The following TSHZ1 variants were observed in gnomAD, a reference collection of about 807,000 sequenced individuals.
TSHZ1 encodes teashirt homolog 1.
A neutral mutation model predicts 67.1 loss-of-function variants in TSHZ1; 12 were observed. That is an observed-to-expected ratio of 0.18 (90% CI 0.11 to 0.29). The LOEUF (loss-of-function observed/expected upper bound fraction) is 0.29, where lower values mean the gene tolerates loss of function less well. TSHZ1 is among the 10% of genes least tolerant of loss of function. The probability of loss-of-function intolerance (pLI) is 1.00; values close to 1 mark genes in which losing one functional copy is unlikely to be tolerated. For synonymous variants in TSHZ1, 632 were observed against 622.4 expected (o/e 1.02, Z -0.23); for missense variants, 1,305 against 1,413.9 (o/e 0.92, Z 1.23).
rs867325574 is a variant in TSHZ1, at chr18:75,281,709, T to G, written c.41-3739T>G. On this transcript the variant is annotated intron_variant, in intron 1 of 1. Coordinates refer to ENST00000580243, the MANE Select transcript of TSHZ1 (RefSeq NM_001308210.2). This position sits in a 1 kb window ranked among gnomAD's most constrained non-coding sequence, Gnocchi z 5.3. ...GCGGCAGCTCAGAACGGGGAGCGGGTAGCGGTCACCGAGGGTCTGGAGACG... is the reference window on the plus strand; with the variant it reads ...GCGGCAGCTCAGAACGGGGAGCGGGGAGCGGTCACCGAGGGTCTGGAGACG... Among the ~76,000 whole-genome samples, 7 of 152,014 alleles carry G rather than the reference T, an allele frequency of 4.6e-5. No homozygotes were observed. The highest frequency in any genetic ancestry group is 8.8e-5 in the Non-Finnish European group (6 of 67,956).
chr18:75,225,684 G>T (rs1271070906), intron 1 of TSHZ1, among the ~76,000 whole-genome samples: 3 of 151,862 alleles, frequency 2.0e-5, no homozygotes, highest in African/African-American at 7.3e-5. Flanking sequence ...AGAGGTGCTG[G>T]TGGGCTCGCA....
chr18:75,266,490 A>T (rs1222729926), intron 1 of TSHZ1, among the ~76,000 whole-genome samples: 1 of 152,230 alleles, frequency 6.6e-6, no homozygotes, highest in Non-Finnish European at 1.5e-5. Flanking sequence ...TAGAATATTC[A>T]TGAACAGAAA....
At chr18:75,239,891 A>G (rs957927370) in intron 1 of TSHZ1, among the ~76,000 whole-genome samples, 2 of 152,182 alleles carry the variant, frequency 1.3e-5, no homozygotes, top group African/African-American at 2.4e-5. Context: ...GAGGTACGCG[A>G]TGGGTGTTGG....
intron 1 of TSHZ1, among the ~76,000 whole-genome samples, chr18:75,214,519 T>C (rs1295334865): frequency 6.6e-6 from 1 of 152,254 alleles, no homozygotes; most frequent in East Asian, 1.9e-4. Flanking sequence ...ACATCCTGAC[T>C]GTTTTTTTCT....
chr18:75,259,435 C>A (rs1428487629), intron 1 of TSHZ1, among the ~76,000 whole-genome samples: 2 of 152,182 alleles, frequency 1.3e-5, no homozygotes, highest in Non-Finnish European at 2.9e-5. Context: ...GTGATGAAAT[C>A]TTGTACAGTC....
At chr18:75,276,667 G>C (rs1424840952) in intron 1 of TSHZ1, among the ~76,000 whole-genome samples, 1 of 152,208 alleles carries the variant, frequency 6.6e-6, no homozygotes, top group Admixed American at 6.5e-5. Context: ...TGGAGTAAAT[G>C]TATTTTGATA....
chr18:75,281,024 G>A lies in TSHZ1; in HGVS notation c.41-4424G>A, dbSNP rs148316827. Among the ~76,000 whole-genome samples, 146 of 152,326 alleles carry A rather than the reference G, an allele frequency of 9.6e-4. 2 individuals are homozygous for A. In the East Asian group the frequency reaches 0.025, roughly 26 times the overall value. ...GGACCAGATAGATAGAGCGGGCTGG[G>A]CACAGAGGGCTGGGCACAGGCGGGG... On this transcript the variant is annotated intron_variant, in intron 1 of 1. Transcript: ENST00000580243. This position sits in a 1 kb window ranked among gnomAD's most constrained non-coding sequence, Gnocchi z 5.3.
intron 1 of TSHZ1, among the ~76,000 whole-genome samples, chr18:75,219,380 C>T (rs1254669523): frequency 6.6e-6 from 1 of 152,150 alleles, no homozygotes; most frequent in East Asian, 1.9e-4. Context: ...AAGTTGATAA[C>T]ATTTTGAAAA....
chr18:75,264,737 C>T (rs2023470699), intron 1 of TSHZ1, among the ~76,000 whole-genome samples: 1 of 152,070 alleles, frequency 6.6e-6, no homozygotes, highest in South Asian at 2.1e-4. Flanking sequence ...TCAGGATAAG[C>T]TTATCAGGGT....
intron 1 of TSHZ1, among the ~76,000 whole-genome samples, chr18:75,237,691 C>T (rs1312342551): frequency 1.3e-5 from 2 of 152,212 alleles, no homozygotes; most frequent in South Asian, 2.1e-4. Flanking sequence ...TCCTTGCTCA[C>T]ATCAAGCTCA....
chr18:75,258,100 C>G (rs2023384211), intron 1 of TSHZ1, among the ~76,000 whole-genome samples: 1 of 152,162 alleles, frequency 6.6e-6, no homozygotes, highest in African/African-American at 2.4e-5. Flanking sequence ...CTGGGAGACT[C>G]TCTCACCTGA....
intron 1 of TSHZ1, among the ~76,000 whole-genome samples, chr18:75,263,379 A>G (rs1486315238): frequency 6.6e-6 from 1 of 152,216 alleles, no homozygotes; most frequent in Non-Finnish European, 1.5e-5. Context: ...TCTCGTAGAG[A>G]CATACTCCCA....
intron 1 of TSHZ1, among the ~76,000 whole-genome samples, chr18:75,261,941 G>C (rs1449010219): frequency 1.3e-5 from 2 of 152,196 alleles, no homozygotes; most frequent in Non-Finnish European, 2.9e-5. Context: ...GGCTTTTGGT[G>C]TTGAGAAGGA....
At chr18:75,235,095 A>G (rs8096483) in intron 1 of TSHZ1, among the ~76,000 whole-genome samples, 9,045 of 152,074 alleles carry the variant, frequency 0.059, 500 homozygotes, top group African/African-American at 0.14. Context: ...AGAGGTTTCC[A>G]TGCATTACCT....
At chr18:75,245,050 T>A (rs747951505) in intron 1 of TSHZ1, among the ~76,000 whole-genome samples, 2 of 152,174 alleles carry the variant, frequency 1.3e-5, no homozygotes, top group Non-Finnish European at 2.9e-5. Flanking sequence ...AGAGAACTCT[T>A]TTAAAAGTTA....
At chr18:75,240,402 T>G (rs1000303453) in intron 1 of TSHZ1, among the ~76,000 whole-genome samples, 1 of 152,046 alleles carries the variant, frequency 6.6e-6, no homozygotes, top group Non-Finnish European at 1.5e-5. Context: ...AGCTTGAAAT[T>G]TTAGTGAGTT....
chr18:75,211,142 G>A lies in TSHZ1; in HGVS notation c.-735G>A, dbSNP rs1295328382. The A allele has an allele frequency of 6.6e-6, 1 of 152,180 alleles. No individual in the cohort carries two copies. The highest frequency in any genetic ancestry group is 1.5e-5 in the Non-Finnish European group (1 of 68,070). 9.4% of individuals were successfully genotyped at this position (152,180 alleles called of 1,614,324 possible). A position where few individuals can be genotyped will look rare whatever the true frequency, so the allele number is the denominator to read the frequency against. ...CGATCCTGGCGGCCAAGCCCCCCGG[G>A]TGGAAGCGCGGGGCACCAAGTGGCG... On this transcript the variant is annotated 5_prime_UTR_variant, in exon 1 of 2. The change creates a new upstream start codon in the 5' untranslated region. Coordinates refer to ENST00000580243, the MANE Select transcript of TSHZ1 (RefSeq NM_001308210.2).
At chr18:75,276,447 C>T (rs1408453161) in intron 1 of TSHZ1, among the ~76,000 whole-genome samples, 1 of 152,114 alleles carries the variant, frequency 6.6e-6, no homozygotes, top group African/African-American at 2.4e-5. Flanking sequence ...CACACTCTGC[C>T]TGGGTCTGCT....
At position 75,236,436 on chromosome 18, in the gene TSHZ1, C is replaced by A. The variant is rs75091168; in HGVS notation, c.40+24520C>A. On this transcript the variant is annotated intron_variant, in intron 1 of 1. Transcript: ENST00000580243. ...ACCTTTTCTATCCATATCCCAAAGTCACATTGGCACCTTTTAGATTATAAA... is the reference window on the plus strand; with the variant it reads ...ACCTTTTCTATCCATATCCCAAAGTAACATTGGCACCTTTTAGATTATAAA... Among the ~76,000 whole-genome samples, 420 of 152,318 alleles carry A rather than the reference C, an allele frequency of 2.8e-3. 9 individuals are homozygous for A. The highest frequency in any genetic ancestry group is 0.021 in the East Asian group (111 of 5,180).
Sources: gnomAD v4.1 joint callset for allele counts (sites outside exome capture counted in the v4.1 genomes callset) on GRCh38, gnomAD v4.1.1 for gene constraint, Gnocchi (gnomAD v3.1) non-coding constraint, MANE v1.5 for transcripts, NCBI Gene and HGNC (gene_info 2026-07-23, HGNC 2026-07-21) for gene names.